Variants in PACRG observed in about 807,000 individuals in gnomAD.
The protein encoded by PACRG is parkin coregulated.
PACRG carries 29 observed loss-of-function variants against 29.7 expected under a neutral mutation model. That is an observed-to-expected ratio of 0.98 (90% CI 0.73 to 1.33). The LOEUF (loss-of-function observed/expected upper bound fraction) is 1.33, where lower values mean the gene tolerates loss of function less well. Among genes scored for constraint, PACRG ranks in the 40% most tolerant of loss-of-function variants. The pLI is 0.00. For synonymous variants in PACRG, 116 were observed against 118.7 expected (o/e 0.98, Z 0.15); for missense variants, 279 against 316.2 (o/e 0.88, Z 0.89).
rs566006267 is a variant in PACRG, at chr6:162,778,762, G to A, written c.157-35385G>A. ...AGCTCCTTAGTTCCTAATACAGACCGGCAGGTGGAGCAGCACGCCCTGAAC... is the reference window on the plus strand; with the variant it reads ...AGCTCCTTAGTTCCTAATACAGACCAGCAGGTGGAGCAGCACGCCCTGAAC... On this transcript the variant is annotated intron_variant, in intron 1 of 4. Coordinates refer to ENST00000366888, the MANE Select transcript of PACRG (RefSeq NM_001080379.2). Among the ~76,000 whole-genome samples, 10 of 152,298 alleles carry A rather than the reference G, an allele frequency of 6.6e-5. No homozygotes were observed. In the South Asian group the frequency reaches 8.3e-4, roughly 13 times the overall value.
chr6:162,867,983 G>T (rs1320659308), intron 2 of PACRG, among the ~76,000 whole-genome samples: 1 of 152,222 alleles, frequency 6.6e-6, no homozygotes, highest in East Asian at 1.9e-4. Flanking sequence ...AAAAGGGAGA[G>T]AAGAAAGCTT....
At chr6:163,166,016 T>A (rs1449789150) in intron 4 of PACRG, 2 of 437,714 alleles carry the variant, frequency 4.6e-6, no homozygotes, top group East Asian at 1.4e-4. Context: ...TTCACTGGTT[T>A]GCCCACAAGC....
Position 162,828,247 on chromosome 6 carries a change from T to C in PACRG, c.291+13966T>C, listed in dbSNP as rs1291276321. 3.3e-5 allele frequency among the ~76,000 whole-genome samples: 5 copies of C among 152,340 alleles called. No homozygotes were observed. In the East Asian group the frequency reaches 7.7e-4, roughly 24 times the overall value. Reference sequence around the variant, plus strand: ...AGCTCTATTTATTTTTGTTTTCTTATAGAATGTAGTTTGCAGTACTTTTAA... The same window carrying C: ...AGCTCTATTTATTTTTGTTTTCTTACAGAATGTAGTTTGCAGTACTTTTAA... On this transcript the variant is annotated intron_variant, in intron 2 of 4. Transcript: ENST00000366888.
intron 2 of PACRG, among the ~76,000 whole-genome samples, chr6:162,894,589 G>T (rs1382624152): frequency 6.6e-6 from 1 of 152,148 alleles, no homozygotes; most frequent in Non-Finnish European, 1.5e-5. Flanking sequence ...TGAAAATCAG[G>T]CCAATGCCTG....
chr6:162,961,798 T>C (rs1283703318), intron 2 of PACRG, among the ~76,000 whole-genome samples: 1 of 152,194 alleles, frequency 6.6e-6, no homozygotes, highest in African/African-American at 2.4e-5. Flanking sequence ...CAAGCCAGGA[T>C]GATGCATCTA....
intron 4 of PACRG, among the ~76,000 whole-genome samples, chr6:163,221,435 G>A (rs1198878104): frequency 6.6e-6 from 1 of 152,178 alleles, no homozygotes; most frequent in African/African-American, 2.4e-5. Context: ...ACACCTCACT[G>A]TGACTCTGTG....
intron 2 of PACRG, among the ~76,000 whole-genome samples, chr6:162,936,776 G>T (rs1034999156): frequency 1.7e-4 from 26 of 151,814 alleles, no homozygotes; most frequent in African/African-American, 5.6e-4. Flanking sequence ...CATTTGAAAA[G>T]TATATATCTG....
At chr6:163,201,689 C>T (rs999584028) in intron 4 of PACRG, among the ~76,000 whole-genome samples, 3 of 152,254 alleles carry the variant, frequency 2.0e-5, no homozygotes, top group Non-Finnish European at 4.4e-5. Context: ...GCGTAAGAAC[C>T]TGCGCTTGGT....
At chr6:163,300,371 T>C (rs937820421) in intron 4 of PACRG, among the ~76,000 whole-genome samples, 1 of 151,986 alleles carries the variant, frequency 6.6e-6, no homozygotes, top group African/African-American at 2.4e-5. Flanking sequence ...GGACGGAGGG[T>C]TTCTTTGGGC....
Position 162,728,410 on chromosome 6 carries a change from T to G in PACRG, c.156+19T>G, listed in dbSNP as rs1779448135. 1 of 1,607,010 alleles carries G rather than the reference T, an allele frequency of 6.2e-7. No individual in the cohort carries two copies. The highest frequency in any genetic ancestry group is 1.7e-5 in the Admixed American group (1 of 59,988). ...CTCAGTCGTAAGTGATCTTCCTGAATTAAATGCACTCGCTCTGAATCAGGG... is the reference window on the plus strand; with the variant it reads ...CTCAGTCGTAAGTGATCTTCCTGAAGTAAATGCACTCGCTCTGAATCAGGG... On this transcript the variant is annotated intron_variant, in intron 1 of 4. Coordinates refer to ENST00000366888, the MANE Select transcript of PACRG (RefSeq NM_001080379.2).
intron 2 of PACRG, among the ~76,000 whole-genome samples, chr6:162,885,709 T>C (rs73786122): frequency 0.046 from 6,964 of 152,288 alleles, 531 homozygotes; most frequent in African/African-American, 0.16. Flanking sequence ...GTGTTCCTGG[T>C]GACTTTACCA....
chr6:162,774,169 C>G (rs111958508), intron 1 of PACRG, among the ~76,000 whole-genome samples: 4 of 152,270 alleles, frequency 2.6e-5, no homozygotes, highest in African/African-American at 9.6e-5. Flanking sequence ...GAAACAAGAT[C>G]TCCTACTGCC....
intron 4 of PACRG, among the ~76,000 whole-genome samples, chr6:163,204,529 G>A (rs1780824021): frequency 6.6e-6 from 1 of 152,110 alleles, no homozygotes; most frequent in Non-Finnish European, 1.5e-5. Context: ...AATCACAAGT[G>A]GGACCCTGGA....
At chr6:163,028,530 G>C (rs965804281) in intron 2 of PACRG, among the ~76,000 whole-genome samples, 3 of 152,116 alleles carry the variant, frequency 2.0e-5, no homozygotes, top group Admixed American at 6.5e-5. Flanking sequence ...ACTGCTTTCT[G>C]TTCTGCTAAT....
chr6:162,846,830 G>T (rs980489756), intron 2 of PACRG, among the ~76,000 whole-genome samples: 1 of 152,142 alleles, frequency 6.6e-6, no homozygotes, highest in African/African-American at 2.4e-5. Flanking sequence ...TCCGCACACT[G>T]TCCACTGTGC....
intron 1 of PACRG, among the ~76,000 whole-genome samples, chr6:162,738,813 C>A (rs1780359079): frequency 6.6e-6 from 1 of 152,132 alleles, no homozygotes; most frequent in Non-Finnish European, 1.5e-5. Context: ...TTTGATATTT[C>A]TAGTTAGCCA....
chr6:163,058,384 G>A (rs1424666117), intron 2 of PACRG, among the ~76,000 whole-genome samples: 2 of 152,132 alleles, frequency 1.3e-5, no homozygotes, highest in South Asian at 2.1e-4. Context: ...GCAGTGAGAC[G>A]AGGTGTTTGA....
intron 2 of PACRG, among the ~76,000 whole-genome samples, chr6:162,977,912 G>A (rs1026213439): frequency 6.6e-6 from 1 of 152,144 alleles, no homozygotes; most frequent in African/African-American, 2.4e-5. Flanking sequence ...GGGAGGCCGA[G>A]GGAGGCAGAT....
chr6:162,806,817 G>A (rs1261468242), intron 1 of PACRG, among the ~76,000 whole-genome samples: 2 of 152,162 alleles, frequency 1.3e-5, no homozygotes, highest in South Asian at 2.1e-4. Flanking sequence ...AAGAGAGTCA[G>A]CCTGTCTTTT....
Sources: gnomAD v4.1 joint callset for allele counts (sites outside exome capture counted in the v4.1 genomes callset) on GRCh38, gnomAD v4.1.1 for gene constraint, MANE v1.5 for transcripts, NCBI Gene and HGNC (gene_info 2026-07-23, HGNC 2026-07-21) for gene names.